Variants in PTPRD observed in about 807,000 individuals in gnomAD.
PTPRD encodes the protein protein tyrosine phosphatase receptor type D, also known as receptor-type tyrosine-protein phosphatase delta.
A neutral mutation model predicts 214.5 loss-of-function variants in PTPRD; 34 were observed. That is an observed-to-expected ratio of 0.16 (90% CI 0.12 to 0.21). The LOEUF is 0.21. Ranked by LOEUF, PTPRD falls within the 10% of genes least tolerant of loss-of-function variation. The probability of loss-of-function intolerance (pLI) is 1.00; values close to 1 mark genes in which losing one functional copy is unlikely to be tolerated. For missense variants in PTPRD, 2,545 were observed against 2,398.7 expected (o/e 1.06, Z -1.27); for synonymous variants, 1,128 against 845.7 (o/e 1.33, Z -5.79).
At chr9:9,842,186 G>A (rs1228363187) in intron 5 of PTPRD, among the ~76,000 whole-genome samples, 1 of 151,254 alleles carries the variant, frequency 6.6e-6, no homozygotes, top group African/African-American at 2.4e-5. Flanking sequence ...CTTTTACAAG[G>A]CTTTTCAAGT....
intron 8 of PTPRD, among the ~76,000 whole-genome samples, chr9:9,501,942 T>G (rs1450417485): frequency 6.6e-6 from 1 of 151,866 alleles, no homozygotes; most frequent in Non-Finnish European, 1.5e-5. Context: ...GAGGGAACTT[T>G]AGGAAATCTT....
In PTPRD at chr9:8,685,258, GAA is replaced by G. The variant is rs144015767; in HGVS notation, c.65-48416_65-48415del. ...AAGAAGTGCATAAATGTAGAAAGCA[GAA>G]AAAAAAAAAAGGTACATTATATTTG... On this transcript the variant is annotated intron_variant, in intron 12 of 45. Coordinates refer to ENST00000381196, the MANE Select transcript of PTPRD (RefSeq NM_002839.4). Among the ~76,000 whole-genome samples the G allele has an allele frequency of 1.7e-3, 234 of 137,222 alleles. 2 individuals are homozygous for G. Among genetic ancestry groups the G allele is most frequent in the African/African-American group, 5.7e-3 (218 of 38,214 alleles). 90.0% of individuals were successfully genotyped at this position (137,222 alleles called of 152,430 possible). A position where few individuals can be genotyped will look rare whatever the true frequency, so the allele number is the denominator to read the frequency against.
At chr9:9,511,740 G>T (rs2096714273) in intron 8 of PTPRD, among the ~76,000 whole-genome samples, 1 of 151,576 alleles carries the variant, frequency 6.6e-6, no homozygotes, top group South Asian at 2.1e-4. Flanking sequence ...AATTGCCATA[G>T]TTTATACTTT....
chr9:10,250,860 G>T (rs1736010253), intron 3 of PTPRD, among the ~76,000 whole-genome samples: 1 of 151,646 alleles, frequency 6.6e-6, no homozygotes, highest in Non-Finnish European at 1.5e-5. Context: ...ATGTAAATAG[G>T]TATAAATATA....
chr9:8,899,849 T>A (rs2098652385), intron 11 of PTPRD, among the ~76,000 whole-genome samples: 1 of 152,190 alleles, frequency 6.6e-6, no homozygotes, highest in African/African-American at 2.4e-5. Context: ...GAGAAGTTCA[T>A]CCGGTTAAAA....
intron 35 of PTPRD, among the ~76,000 whole-genome samples, chr9:8,423,236 C>A (rs1289691089): frequency 6.6e-6 from 1 of 152,148 alleles, no homozygotes; most frequent in Non-Finnish European, 1.5e-5. Context: ...CAATCCGGCT[C>A]AATAAGTTAT....
intron 9 of PTPRD, among the ~76,000 whole-genome samples, chr9:9,366,757 G>A (rs1365860688): frequency 6.6e-6 from 1 of 151,110 alleles, no homozygotes; most frequent in African/African-American, 2.4e-5. Flanking sequence ...GAGTAAAAAA[G>A]AGGTTACAAA....
chr9:9,641,808 G>T (rs11790124), intron 7 of PTPRD, among the ~76,000 whole-genome samples: 1 of 152,108 alleles, frequency 6.6e-6, no homozygotes, highest in Admixed American at 6.6e-5. Flanking sequence ...CCAAACCACC[G>T]TGATTTAGCA....
chr9:8,380,365 A>T (rs1241738102), intron 37 of PTPRD, among the ~76,000 whole-genome samples: 4 of 152,154 alleles, frequency 2.6e-5, no homozygotes, highest in African/African-American at 7.2e-5. Flanking sequence ...TGTCTTCTGA[A>T]AAGAGTATGT....
At chr9:8,409,070 T>A (rs776520798) in intron 35 of PTPRD, among the ~76,000 whole-genome samples, 1 of 152,210 alleles carries the variant, frequency 6.6e-6, no homozygotes. Context: ...TTGCATTGTA[T>A]TCTCGACAAA....
chr9:8,367,344 T>C (rs2080201741), intron 39 of PTPRD, among the ~76,000 whole-genome samples: 2 of 152,288 alleles, frequency 1.3e-5, no homozygotes. Context: ...GGGGCGATTT[T>C]ATATCCAAGG....
At chr9:8,468,283 T>C (rs2096583203) in intron 31 of PTPRD, among the ~76,000 whole-genome samples, 1 of 151,952 alleles carries the variant, frequency 6.6e-6, no homozygotes, top group Non-Finnish European at 1.5e-5. Context: ...GACACCAAAG[T>C]CAGCCAGCAT....
At chr9:10,181,715 C>A (rs992688338) in intron 3 of PTPRD, among the ~76,000 whole-genome samples, 2 of 151,170 alleles carry the variant, frequency 1.3e-5, no homozygotes, top group African/African-American at 2.4e-5. Flanking sequence ...AAAACATAAT[C>A]TATGGCAAGG....
chr9:8,684,490 A>G (rs1259072539), intron 12 of PTPRD, among the ~76,000 whole-genome samples: 3 of 152,080 alleles, frequency 2.0e-5, no homozygotes, highest in Non-Finnish European at 4.4e-5. Flanking sequence ...TCTTTCCCCT[A>G]CAAGTTCACA....
At position 8,882,209 on chromosome 9, in the gene PTPRD, G is replaced by C. The variant is rs2098452161; in HGVS notation, c.-104+136488C>G. On this transcript the variant is annotated intron_variant, in intron 11 of 45. Transcript: ENST00000381196. ...TGTCGACTCATTGACTAAAAACAGA[G>C]TGGTGTTCCTTTCATTTCATTTCTC... Among the ~76,000 whole-genome samples, 4 of 152,112 alleles carry C rather than the reference G, an allele frequency of 2.6e-5. 1 individual carries two copies. The South Asian group carries it at 8.3e-4, about 32-fold the overall frequency.
At chr9:9,785,450 A>G (rs1488839070) in intron 5 of PTPRD, among the ~76,000 whole-genome samples, 1 of 152,122 alleles carries the variant, frequency 6.6e-6, no homozygotes, top group Non-Finnish European at 1.5e-5. Flanking sequence ...AAAAGGACAC[A>G]ACATAGTTTC....
At chr9:10,349,167 G>T (rs1040637444) in intron 2 of PTPRD, among the ~76,000 whole-genome samples, 26 of 148,028 alleles carry the variant, frequency 1.8e-4, no homozygotes, top group Non-Finnish European at 3.0e-4. Context: ...TGATAACTGT[G>T]TATTTCTCAA....
chr9:9,293,484 G>C (rs1039539527), intron 9 of PTPRD, among the ~76,000 whole-genome samples: 6 of 150,570 alleles, frequency 4.0e-5, no homozygotes, highest in Non-Finnish European at 8.9e-5. Context: ...TCCAGTACTA[G>C]AATCACCCAT....
intron 8 of PTPRD, among the ~76,000 whole-genome samples, chr9:9,546,321 T>G (rs953289649): frequency 1.3e-5 from 2 of 151,792 alleles, no homozygotes; most frequent in African/African-American, 2.4e-5. Context: ...ATACCTTTTA[T>G]TTCCTTTTCT....
Sources: gnomAD v4.1 joint callset for allele counts (sites outside exome capture counted in the v4.1 genomes callset) on GRCh38, gnomAD v4.1.1 for gene constraint, MANE v1.5 for transcripts, NCBI Gene and HGNC (gene_info 2026-07-23, HGNC 2026-07-21) for gene names.